LRFN2: variants seen among roughly 807,000 people sequenced by gnomAD.
LRFN2 encodes the protein leucine rich repeat and fibronectin type III domain containing 2.
Under a neutral mutation model 37.3 loss-of-function variants are expected in LRFN2, and 18 were observed. That is an observed-to-expected ratio of 0.48 (90% CI 0.33 to 0.72). The LOEUF (loss-of-function observed/expected upper bound fraction) is 0.72. LRFN2 is among the 30% of genes least tolerant of loss of function. The pLI is 0.02. For synonymous variants in LRFN2, 556 were observed against 466.6 expected, an observed-to-expected ratio of 1.19 and a Z score of -2.47; for missense variants, 1,006 against 1,060.7, an observed-to-expected ratio of 0.95 and a Z score of 0.72.
chr6:40,460,271 G>A (rs952718915), intron 1 of LRFN2, among the ~76,000 whole-genome samples: 1 of 152,138 alleles, frequency 6.6e-6, no homozygotes, highest in Non-Finnish European at 1.5e-5. Context: ...TCAGTCACCA[G>A]GGTTCTGGCC....
At chr6:40,503,042 G>T (rs1765429654) in intron 1 of LRFN2, among the ~76,000 whole-genome samples, 1 of 152,196 alleles carries the variant, frequency 6.6e-6, no homozygotes, top group Admixed American at 6.5e-5. Flanking sequence ...GAATTCTGGG[G>T]ACTGGGAGGC....
chr6:40,489,223 C>T (rs1765032801), intron 1 of LRFN2, among the ~76,000 whole-genome samples: 1 of 152,186 alleles, frequency 6.6e-6, no homozygotes, highest in South Asian at 2.1e-4. Context: ...CAATAAAGAC[C>T]TCCCACCAGA....
At chr6:40,566,739 T>G in intron 1 of LRFN2, among the ~76,000 whole-genome samples, 27 of 145,320 alleles carry the variant, frequency 1.9e-4, no homozygotes, top group African/African-American at 5.2e-4. Flanking sequence ...TGTTGTGGGG[T>G]GGGGGGAGAG....
chr6:40,423,805 C>T (rs368356455), intron 2 of LRFN2, among the ~76,000 whole-genome samples: 17 of 152,250 alleles, frequency 1.1e-4, no homozygotes, highest in Admixed American at 2.6e-4. Context: ...CATAAAAGGG[C>T]GATGGGATCA....
chr6:40,559,867 A>G (rs1054107201), intron 1 of LRFN2, among the ~76,000 whole-genome samples: 6 of 152,122 alleles, frequency 3.9e-5, no homozygotes, highest in Admixed American at 1.3e-4. Flanking sequence ...CGTTCTTCCA[A>G]GTCCCACTCA....
intron 1 of LRFN2, among the ~76,000 whole-genome samples, chr6:40,574,762 G>A (rs571447381): frequency 1.3e-5 from 2 of 152,272 alleles, no homozygotes; most frequent in South Asian, 4.1e-4. Flanking sequence ...TGGGCAGAGA[G>A]CAAGCTTCAC....
chr6:40,445,427 T>C (rs896244676), intron 1 of LRFN2, among the ~76,000 whole-genome samples: 2 of 152,168 alleles, frequency 1.3e-5, no homozygotes, highest in Non-Finnish European at 1.5e-5. Flanking sequence ...TAAAGAGTTA[T>C]GGGAATTCTA....
At chr6:40,584,852 G>A (rs893569795) in intron 1 of LRFN2, among the ~76,000 whole-genome samples, 1 of 151,512 alleles carries the variant, frequency 6.6e-6, no homozygotes, top group Non-Finnish European at 1.5e-5. Context: ...GCAAAGATAA[G>A]AAGAGCAATT....
intron 1 of LRFN2, among the ~76,000 whole-genome samples, chr6:40,459,401 C>A (rs946039738): frequency 7.2e-5 from 11 of 152,236 alleles, no homozygotes; most frequent in Non-Finnish European, 1.6e-4. Flanking sequence ...GAGTAAGAAG[C>A]TTGGAGAGGT....
intron 1 of LRFN2, among the ~76,000 whole-genome samples, chr6:40,577,985 A>G (rs1442691155): frequency 6.6e-6 from 1 of 151,956 alleles, no homozygotes; most frequent in South Asian, 2.1e-4. Context: ...TTCCCAATCC[A>G]GGTTCCCCGT....
intron 1 of LRFN2, among the ~76,000 whole-genome samples, chr6:40,580,407 T>TGGTC (rs201174908): frequency 0.027 from 4,131 of 152,166 alleles, 91 homozygotes; most frequent in Admixed American, 0.041. Context: ...TGAATCTCCC[T>TGGTC]GGTCCTTAGT....
chr6:40,515,499 C>T (rs901326568), intron 1 of LRFN2, among the ~76,000 whole-genome samples: 1 of 152,214 alleles, frequency 6.6e-6, no homozygotes, highest in South Asian at 2.1e-4. Flanking sequence ...CCAGTACCTA[C>T]ATCCTTCACC....
intron 1 of LRFN2, among the ~76,000 whole-genome samples, chr6:40,560,589 A>G (rs1020145275): frequency 2.6e-5 from 4 of 152,090 alleles, no homozygotes; most frequent in Non-Finnish European, 4.4e-5. Context: ...ACTCACATCA[A>G]ATCAGATCTG....
At position 40,433,003 on chromosome 6, in the gene LRFN2, C is replaced by T; in HGVS notation, c.111G>A (p.Leu37=). Residue 37 remains leucine, a synonymous_variant, in exon 2 of 3, where the codon CTG becomes CTA. Transcript: ENST00000338305. ...CAAAGAGCAGCCCCTTGGAGGGGCA[C>T]AGGGTCCCCAGTGACTCAGACAGAT... ...CQNLSESLGT[L]CPSKGLLFVP... 1.2e-6 allele frequency: 2 copies of T among 1,608,768 alleles called. No homozygotes were observed.
At chr6:40,559,126 G>A (rs1201293723) in intron 1 of LRFN2, among the ~76,000 whole-genome samples, 1 of 152,070 alleles carries the variant, frequency 6.6e-6, no homozygotes, top group Non-Finnish European at 1.5e-5. Flanking sequence ...TGATATTGGG[G>A]GGAGGATGGA....
rs757514861 is a variant in LRFN2, at chr6:40,432,298, C to A, written c.816G>T (p.Lys272Asn). The A allele has an allele frequency of 6.2e-7, 1 of 1,614,030 alleles. No individual in the cohort carries two copies. The highest frequency in any genetic ancestry group is 8.5e-7 in the Non-Finnish European group (1 of 1,180,044). ...CACGCACATGCCAGAAGTAGCGACC[C>A]TTGAGGCCCCCTGGGGAGCCACAGG... ...LETCGSPGGL[K>N]GRYFWHVREE... The change falls in exon 2 of 3, where the codon AAG (lysine) becomes AAT (asparagine). Residue 272 changes from lysine to asparagine, a missense_variant. Transcript: ENST00000338305.
intron 1 of LRFN2, among the ~76,000 whole-genome samples, chr6:40,502,760 A>G (rs946951071): frequency 1.3e-5 from 2 of 152,222 alleles, no homozygotes; most frequent in Non-Finnish European, 2.9e-5. Flanking sequence ...TGTGTTAGGC[A>G]CTGGGTTGCC....
chr6:40,571,577 T>C (rs1196303627), intron 1 of LRFN2, among the ~76,000 whole-genome samples: 1 of 152,128 alleles, frequency 6.6e-6, no homozygotes, highest in African/African-American at 2.4e-5. Flanking sequence ...ACCTCGAGAT[T>C]CCAGGTGGCG....
chr6:40,431,094 TTC>T (rs142703901), intron 2 of LRFN2, among the ~76,000 whole-genome samples: 3,007 of 152,142 alleles, frequency 0.02, 58 homozygotes, highest in Admixed American at 0.053. Context: ...CTCCCTCCCT[TTC>T]TCTCTCTCTT....
Sources: allele counts gnomAD v4.1 joint callset (sites outside exome capture counted in the v4.1 genomes callset), GRCh38; gene constraint gnomAD v4.1.1; transcripts MANE v1.5; gene names NCBI Gene and HGNC (gene_info 2026-07-23, HGNC 2026-07-21).